ZNF407: variants seen among roughly 807,000 people sequenced by gnomAD.
ZNF407 encodes the protein zinc finger protein 407.
Under a neutral mutation model 131.2 loss-of-function variants are expected in ZNF407, and 17 were observed. The ratio of observed to expected loss-of-function variants is 0.13; its 90% CI spans 0.09 to 0.19. The LOEUF (loss-of-function observed/expected upper bound fraction) is 0.19, where lower values mean the gene tolerates loss of function less well. Ranked by LOEUF, ZNF407 falls within the 10% of genes least tolerant of loss-of-function variation. The probability of loss-of-function intolerance (pLI) is 1.00; values close to 1 mark genes in which losing one functional copy is unlikely to be tolerated. For synonymous variants in ZNF407, 1,156 were observed against 1,062.0 expected (o/e 1.09, Z -1.72); for missense variants, 2,681 against 2,830.6 (o/e 0.95, Z 1.20).
chr18:74,810,353 T>G (rs1401908643), intron 4 of ZNF407, among the ~76,000 whole-genome samples: 2 of 91,034 alleles, frequency 2.2e-5, no homozygotes, highest in East Asian at 2.2e-3. Context: ...GATGCACCTT[T>G]GCTTTTTTTT....
At chr18:74,707,934 A>G (rs1054707574) in intron 3 of ZNF407, among the ~76,000 whole-genome samples, 7 of 152,234 alleles carry the variant, frequency 4.6e-5, no homozygotes, top group Non-Finnish European at 1.0e-4. Flanking sequence ...GAAACAGTAC[A>G]AATTGATATC....
At chr18:74,925,261 T>C (rs566008319) in intron 8 of ZNF407, among the ~76,000 whole-genome samples, 2 of 152,312 alleles carry the variant, frequency 1.3e-5, no homozygotes, top group South Asian at 4.1e-4. Flanking sequence ...GAAATTATCA[T>C]ATTCTCTTCA....
At chr18:75,029,583 G>A (rs948746727) in intron 8 of ZNF407, among the ~76,000 whole-genome samples, 17 of 151,950 alleles carry the variant, frequency 1.1e-4, no homozygotes, top group Admixed American at 1.3e-4. Context: ...GTGTGCGTGC[G>A]TGTGTGTGCG....
rs1568137675 is a variant in ZNF407, at chr18:74,635,208, G to C, written c.4189G>C (p.Gly1397Arg). 2 of 1,613,960 alleles carry C rather than the reference G, an allele frequency of 1.2e-6. No homozygotes were observed. Among genetic ancestry groups the C allele is most frequent in the Non-Finnish European group, 1.7e-6 (2 of 1,179,884 alleles). The change falls in exon 2 of 9, where the codon GGT (glycine) becomes CGT (arginine). Residue 1397 changes from glycine to arginine, a missense_variant. Coordinates refer to ENST00000299687, the MANE Select transcript of ZNF407 (RefSeq NM_017757.3). The surrounding 1 kb of genome is among the most constrained non-coding windows in gnomAD (Gnocchi z 4.7). ...GCTGCCCTTGAAAGACTGTGCTCAA[G>C]GTGTGAAAAAGAAGAAATCTGAGGG... ...SELPLKDCAQ[G>R]VKKKKSEGSS...
chr18:75,024,148 T>C (rs1336021912), intron 8 of ZNF407, among the ~76,000 whole-genome samples: 2 of 152,224 alleles, frequency 1.3e-5, no homozygotes, highest in Non-Finnish European at 2.9e-5. Context: ...TTAGGCTATT[T>C]GGAGGATTTC....
At chr18:74,818,046 C>G (rs1310863508) in intron 4 of ZNF407, among the ~76,000 whole-genome samples, 1 of 152,136 alleles carries the variant, frequency 6.6e-6, no homozygotes, top group Admixed American at 6.6e-5. Flanking sequence ...AGTAAATCTT[C>G]AAGGTGATAG....
chr18:74,936,839 A>T (rs1372735084), intron 8 of ZNF407, among the ~76,000 whole-genome samples: 1 of 152,224 alleles, frequency 6.6e-6, no homozygotes, highest in African/African-American at 2.4e-5. Flanking sequence ...TTATCTGCCG[A>T]TGATTTCTGA....
intron 3 of ZNF407, among the ~76,000 whole-genome samples, chr18:74,729,051 C>T (rs959765468): frequency 1.3e-5 from 2 of 152,134 alleles, no homozygotes; most frequent in African/African-American, 4.8e-5. Flanking sequence ...GGTGCCAGGA[C>T]AGGTTTGTAT....
At chr18:74,911,656 C>T (rs1265372633) in intron 7 of ZNF407, among the ~76,000 whole-genome samples, 3 of 152,106 alleles carry the variant, frequency 2.0e-5, no homozygotes, top group Non-Finnish European at 4.4e-5. Flanking sequence ...TTCTTTTAGC[C>T]TCCCCCTTCA....
chr18:74,608,638 C>T (rs542943794), intron 1 of ZNF407, among the ~76,000 whole-genome samples: 31 of 152,258 alleles, frequency 2.0e-4, no homozygotes, highest in African/African-American at 4.6e-4. Context: ...TAAGCCACCG[C>T]GCCTGGCCAG....
At chr18:74,629,903 C>CT (rs550293062) in intron 1 of ZNF407, among the ~76,000 whole-genome samples, 39 of 151,772 alleles carry the variant, frequency 2.6e-4, no homozygotes, top group East Asian at 1.9e-4. Context: ...CAATAAAATT[C>CT]TTTTTTTTCT....
intron 3 of ZNF407, among the ~76,000 whole-genome samples, chr18:74,749,458 C>T (rs1226095263): frequency 1.6e-4 from 25 of 152,124 alleles, no homozygotes; most frequent in Non-Finnish European, 7.3e-5. Context: ...GCAATTATTA[C>T]TTAGACTTAG....
chr18:74,799,696 A>G (rs1302671678), intron 4 of ZNF407, among the ~76,000 whole-genome samples: 1 of 151,948 alleles, frequency 6.6e-6, no homozygotes, highest in Non-Finnish European at 1.5e-5. Context: ...TATTGTTTGG[A>G]TTAGCATTCA....
intron 3 of ZNF407, among the ~76,000 whole-genome samples, chr18:74,698,508 C>A (rs1236750526): frequency 6.6e-6 from 1 of 152,124 alleles, no homozygotes; most frequent in Non-Finnish European, 1.5e-5. Flanking sequence ...ACTGAGCAAT[C>A]TCTGATGTTT....
chr18:74,727,980 G>A (rs917983214), intron 3 of ZNF407, among the ~76,000 whole-genome samples: 1 of 152,156 alleles, frequency 6.6e-6, no homozygotes, highest in African/African-American at 2.4e-5. Flanking sequence ...TGGGGAGAAG[G>A]AGAGTGATGG....
At chr18:74,747,510 C>G (rs184333591) in intron 3 of ZNF407, among the ~76,000 whole-genome samples, 4 of 151,552 alleles carry the variant, frequency 2.6e-5, no homozygotes, top group Admixed American at 2.6e-4. Context: ...ATTTCACAAA[C>G]TTTAAGTTTG....
At chr18:74,611,524 A>G (rs1347540842) in intron 1 of ZNF407, among the ~76,000 whole-genome samples, 1 of 152,234 alleles carries the variant, frequency 6.6e-6, no homozygotes, top group African/African-American at 2.4e-5. Context: ...AATTAGGGAA[A>G]TGCAAATTAG....
At chr18:74,774,616 C>G (rs555120814) in intron 3 of ZNF407, among the ~76,000 whole-genome samples, 1 of 152,174 alleles carries the variant, frequency 6.6e-6, no homozygotes, top group Non-Finnish European at 1.5e-5. Flanking sequence ...ATCAGACATA[C>G]CATATGTGGG....
chr18:75,008,781 A>G (rs1373424413), intron 8 of ZNF407, among the ~76,000 whole-genome samples: 1 of 152,178 alleles, frequency 6.6e-6, no homozygotes, highest in African/African-American at 2.4e-5. Context: ...TTTACTTTTT[A>G]TAAATCCAAA....
Sources: allele counts gnomAD v4.1 joint callset (sites outside exome capture counted in the v4.1 genomes callset), GRCh38; gene constraint gnomAD v4.1.1; non-coding constraint Gnocchi (gnomAD v3.1); transcripts MANE v1.5; gene names NCBI Gene and HGNC (gene_info 2026-07-23, HGNC 2026-07-21).